The following RANBP9 variants were observed in gnomAD, a reference collection of about 807,000 sequenced individuals.
RANBP9 encodes the protein ran-binding protein 9.
In RANBP9, 15 loss-of-function variants were observed where a neutral mutation model predicts 84.3. That is an observed-to-expected ratio of 0.18 (90% CI 0.12 to 0.27). The LOEUF is 0.27. Among genes scored for constraint, RANBP9 ranks in the 10% least tolerant of loss-of-function variants. RANBP9 has a pLI of 1.00. For missense variants in RANBP9, 809 were observed against 912.8 expected, an observed-to-expected ratio of 0.89 and a Z score of 1.46; for synonymous variants, 392 against 349.6, an observed-to-expected ratio of 1.12 and a Z score of -1.35.
intron 2 of RANBP9, among the ~76,000 whole-genome samples, chr6:13,680,742 TGA>T (rs1766015326): frequency 6.8e-6 from 1 of 146,204 alleles, no homozygotes; most frequent in East Asian, 2.0e-4. Context: ...GGCAACTAAG[TGA>T]GAGTCTGTCT....
intron 1 of RANBP9, among the ~76,000 whole-genome samples, chr6:13,704,452 AC>A (rs1482702102): frequency 2.6e-5 from 4 of 151,906 alleles, no homozygotes; most frequent in African/African-American, 9.7e-5. Context: ...ACATGGCAAA[AC>A]CCCCTTCTCT....
intron 2 of RANBP9, among the ~76,000 whole-genome samples, chr6:13,691,503 T>C (rs1584945377): frequency 6.6e-6 from 1 of 152,206 alleles, no homozygotes; most frequent in Admixed American, 6.5e-5. Context: ...AAGCACATAA[T>C]ACATTAACAC....
At chr6:13,635,139 T>C (rs1408801707) in intron 10 of RANBP9, among the ~76,000 whole-genome samples, 2 of 152,208 alleles carry the variant, frequency 1.3e-5, no homozygotes, top group Non-Finnish European at 2.9e-5. Context: ...AGCTTCATTC[T>C]CTCATCCCTT....
intron 2 of RANBP9, among the ~76,000 whole-genome samples, chr6:13,673,707 G>A (rs1239964023): frequency 6.6e-6 from 1 of 151,822 alleles, no homozygotes; most frequent in Non-Finnish European, 1.5e-5. Context: ...GAGCTCTAAG[G>A]GAAACTACCA....
chr6:13,624,791 C>T (rs1408524343), intron 13 of RANBP9, among the ~76,000 whole-genome samples: 3 of 152,180 alleles, frequency 2.0e-5, no homozygotes, highest in African/African-American at 7.2e-5. Flanking sequence ...CCTCACCCAC[C>T]CTTTTTATTG....
intron 6 of RANBP9, among the ~76,000 whole-genome samples, chr6:13,643,609 G>A (rs1282612616): frequency 1.3e-5 from 2 of 152,194 alleles, no homozygotes; most frequent in Non-Finnish European, 2.9e-5. Flanking sequence ...AGTCAGTGAA[G>A]AAGTGGGTGG....
intron 12 of RANBP9, among the ~76,000 whole-genome samples, chr6:13,628,947 T>C (rs1416323169): frequency 2.6e-5 from 4 of 151,210 alleles, no homozygotes; most frequent in African/African-American, 9.8e-5. Context: ...TTCATATTCT[T>C]TGACTCAATT....
intron 2 of RANBP9, among the ~76,000 whole-genome samples, chr6:13,690,119 T>C (rs1191717706): frequency 6.6e-6 from 1 of 152,218 alleles, no homozygotes; most frequent in Non-Finnish European, 1.5e-5. Flanking sequence ...ATGACTACAC[T>C]AAATTTGATC....
Position 13,679,769 on chromosome 6 carries a change from C to G in RANBP9, c.683+17016G>C, listed in dbSNP as rs148264576. 2.6e-3 allele frequency among the ~76,000 whole-genome samples: 403 copies of G among 152,156 alleles called. 2 individuals are homozygous for G. Among genetic ancestry groups the G allele is most frequent in the African/African-American group, 9.3e-3 (385 of 41,496 alleles). On this transcript the variant is annotated intron_variant, in intron 2 of 13. Transcript: ENST00000011619. The stretch of plus-strand genomic sequence containing the variant: ...ATAAACATTACAGGTTCTACTTGTA[C>G]CAAATGAGATGTACCTATAAAACTA...
chr6:13,707,786 GT>G (rs960423977), intron 1 of RANBP9, among the ~76,000 whole-genome samples: 1 of 152,188 alleles, frequency 6.6e-6, no homozygotes, highest in African/African-American at 2.4e-5. Context: ...GCAATCTGTT[GT>G]TGAAACATTT....
chr6:13,655,359 A>G (rs746872182), intron 4 of RANBP9, among the ~76,000 whole-genome samples: 6 of 152,192 alleles, frequency 3.9e-5, no homozygotes, highest in Non-Finnish European at 8.8e-5. Context: ...AATCCCAGCT[A>G]TTCAGGAGGC....
chr6:13,679,090 C>CT (rs982944127), intron 2 of RANBP9, among the ~76,000 whole-genome samples: 3 of 152,080 alleles, frequency 2.0e-5, no homozygotes, highest in African/African-American at 7.2e-5. Context: ...TAATTCTATG[C>CT]TGACAGTAAA....
At position 13,710,836 on chromosome 6, in the gene RANBP9, C is replaced by T; in HGVS notation, c.571+99G>A. ...GCGAGTGGCCTCCGAGGGCAGAGCC[C>T]GCGAGGGCGGGGGTCGGGGGCGGGT... On this transcript the variant is annotated intron_variant, in intron 1 of 13. Transcript: ENST00000011619. The T allele has an allele frequency of 2.2e-6, 3 of 1,345,936 alleles. 1 individual carries two copies. Among genetic ancestry groups the T allele is most frequent in the Non-Finnish European group, 3.0e-6 (3 of 997,210 alleles). 83.4% of individuals were successfully genotyped at this position (1,345,936 alleles called of 1,614,324 possible). A position where few individuals can be genotyped will look rare whatever the true frequency, so the allele number is the denominator to read the frequency against.
chr6:13,700,119 C>T (rs752317582), intron 1 of RANBP9, among the ~76,000 whole-genome samples: 2 of 152,172 alleles, frequency 1.3e-5, no homozygotes, highest in African/African-American at 2.4e-5. Context: ...TGTAATACTT[C>T]CTAATTCTAA....
intron 2 of RANBP9, among the ~76,000 whole-genome samples, chr6:13,695,787 T>C (rs1766431088): frequency 6.6e-6 from 1 of 152,192 alleles, no homozygotes; most frequent in Non-Finnish European, 1.5e-5. Flanking sequence ...TCCAAGTTTT[T>C]ATTTTCTGTT....
At chr6:13,692,618 G>T (rs1480552254) in intron 2 of RANBP9, among the ~76,000 whole-genome samples, 1 of 150,844 alleles carries the variant, frequency 6.6e-6, no homozygotes, top group African/African-American at 2.4e-5. Context: ...TTGGGTGGCA[G>T]AGGCAGGCGG....
At chr6:13,696,565 A>G (rs1757836780) in intron 2 of RANBP9, among the ~76,000 whole-genome samples, 2 of 152,220 alleles carry the variant, frequency 1.3e-5, no homozygotes, top group African/African-American at 4.8e-5. Flanking sequence ...CATTTTAATA[A>G]TAAACCTACC....
At chr6:13,641,161 A>C in intron 8 of RANBP9, 38 bp downstream of exon 8, 1 of 1,202,234 alleles carries the variant, frequency 8.3e-7, no homozygotes. Context: ...AATATTTATA[A>C]TATATAACAA....
chr6:13,644,456 A>G, intron 6 of RANBP9, 89 bp downstream of exon 6: 1 of 1,341,004 alleles, frequency 7.5e-7, no homozygotes, highest in South Asian at 1.4e-5. Flanking sequence ...AAATTAGTGG[A>G]TTAAAAAGCT....
Sources: allele counts gnomAD v4.1 joint callset (sites outside exome capture counted in the v4.1 genomes callset), GRCh38; gene constraint gnomAD v4.1.1; transcripts MANE v1.5; gene names NCBI Gene and HGNC (gene_info 2026-07-23, HGNC 2026-07-21).